TMC2: variants seen among roughly 807,000 people sequenced by gnomAD.
TMC2 encodes the protein transmembrane channel like 2.
TMC2 carries 102 observed loss-of-function variants against 105.9 expected under a neutral mutation model. The ratio of observed to expected loss-of-function variants is 0.96; its 90% CI spans 0.82 to 1.14. TMC2 has a LOEUF of 1.14. Among genes scored for constraint, TMC2 ranks in the 50% most tolerant of loss-of-function variants. The pLI is 0.00. For missense variants in TMC2, 1,093 were observed against 1,134.3 expected, an observed-to-expected ratio of 0.96 and a Z score of 0.52; for synonymous variants, 402 against 422.8, an observed-to-expected ratio of 0.95 and a Z score of 0.60.
At chr20:2,557,390 T>G (rs1017886137) in intron 2 of TMC2, among the ~76,000 whole-genome samples, 17 of 152,366 alleles carry the variant, frequency 1.1e-4, no homozygotes, top group Admixed American at 6.5e-4. Context: ...TCTTTACTTC[T>G]ATTATAGTGT....
chr20:2,615,965 A>G (rs749918988), intron 14 of TMC2, among the ~76,000 whole-genome samples, 172 bp from the exon 15 acceptor site: 1 of 152,264 alleles, frequency 6.6e-6, no homozygotes, highest in Non-Finnish European at 1.5e-5. Flanking sequence ...AGTTGAAAAC[A>G]TATTAAAGAA....
intron 4 of TMC2, among the ~76,000 whole-genome samples, chr20:2,568,887 G>A (rs1406450984): frequency 2.0e-5 from 3 of 152,130 alleles, no homozygotes; most frequent in Admixed American, 6.5e-5. Flanking sequence ...CCAGCCTCAA[G>A]GTTAGGATGC....
chr20:2,603,275 A>C (rs765645321), intron 11 of TMC2, among the ~76,000 whole-genome samples: 2 of 152,150 alleles, frequency 1.3e-5, no homozygotes, highest in African/African-American at 2.4e-5. Context: ...ATAAATTAAT[A>C]ATAAGAAAGA....
In TMC2 at chr20:2,572,183, G is replaced by A; in HGVS notation, c.559G>A (p.Ala187Thr). ...MAKKLTELRE[A>T]QEFVEKYEGA... Reference sequence around the variant, plus strand: ...TTTTTTTTTTTTTCTAAGCAGGGAGGCCCAGGAATTTGTGGAGAAGTATGA... The same window carrying A: ...TTTTTTTTTTTTTCTAAGCAGGGAGACCCAGGAATTTGTGGAGAAGTATGA... Residue 187 changes from alanine to threonine, a missense_variant, in exon 5 of 20, where the codon GCC (alanine) becomes ACC (threonine). Coordinates refer to ENST00000358864, the MANE Select transcript of TMC2 (RefSeq NM_080751.3). 1.2e-6 allele frequency: 2 copies of A among 1,611,612 alleles called. No individual in the cohort carries two copies. Among genetic ancestry groups the A allele is most frequent in the South Asian group, 1.1e-5 (1 of 91,000 alleles).
intron 7 of TMC2, among the ~76,000 whole-genome samples, chr20:2,590,698 CA>C (rs200669112): frequency 6.6e-6 from 1 of 151,254 alleles, no homozygotes. Context: ...ACACTTCGTA[CA>C]AAAAAAATAC....
At chr20:2,536,686 G>GC in intron 1 of TMC2, 31 bp downstream of exon 1, 1 of 1,562,500 alleles carries the variant, frequency 6.4e-7, no homozygotes, top group Non-Finnish European at 8.7e-7. Context: ...TGCGGGGCCC[G>GC]CCCACAGGGT....
intron 4 of TMC2, among the ~76,000 whole-genome samples, chr20:2,563,296 G>C (rs894115094): frequency 6.6e-6 from 1 of 152,084 alleles, no homozygotes; most frequent in Non-Finnish European, 1.5e-5. Flanking sequence ...CTTACCCCAC[G>C]GCCCTGCAAA....
At chr20:2,555,811 T>C (rs1413662622) in intron 2 of TMC2, among the ~76,000 whole-genome samples, 4 of 152,238 alleles carry the variant, frequency 2.6e-5, no homozygotes, top group Non-Finnish European at 5.9e-5. Flanking sequence ...TAATTTTGCT[T>C]CCTTTTTACT....
At chr20:2,588,899 G>T (rs774246152) in intron 7 of TMC2, among the ~76,000 whole-genome samples, 2 of 151,764 alleles carry the variant, frequency 1.3e-5, no homozygotes, top group South Asian at 4.2e-4. Context: ...TTTTAATTTC[G>T]ATGATCACAT....
chr20:2,640,296 TG>T (rs1177684890), intron 19 of TMC2, among the ~76,000 whole-genome samples: 5 of 152,300 alleles, frequency 3.3e-5, no homozygotes, highest in African/African-American at 1.2e-4. Context: ...GCACCTGGCC[TG>T]AACTTTTTTT....
chr20:2,571,673 T>A (rs1457359107), intron 4 of TMC2, among the ~76,000 whole-genome samples: 1 of 152,202 alleles, frequency 6.6e-6, no homozygotes, highest in African/African-American at 2.4e-5. Flanking sequence ...ACTGGGGCCA[T>A]GCAGATGACC....
chr20:2,577,242 T>C (rs747391069), intron 5 of TMC2, among the ~76,000 whole-genome samples: 14 of 151,966 alleles, frequency 9.2e-5, no homozygotes, highest in Non-Finnish European at 2.1e-4. Flanking sequence ...GGTTTCACTA[T>C]GTTAGCCAGG....
chr20:2,579,079 C>A, intron 5 of TMC2, 67 bp from the exon 6 acceptor site: 1 of 894,620 alleles, frequency 1.1e-6, no homozygotes, highest in Non-Finnish European at 1.9e-6. Context: ...TCGTGCCCCT[C>A]ATCATGCCCC....
chr20:2,588,766 A>T (rs1355440575), intron 7 of TMC2, among the ~76,000 whole-genome samples: 2 of 145,776 alleles, frequency 1.4e-5, no homozygotes, highest in African/African-American at 2.6e-5. Flanking sequence ...TGTATGCCTT[A>T]TGCTCTTTTC....
chr20:2,541,646 CAAAAAAAAAAAAAGAAAGAAAG>C (rs1373050141), intron 2 of TMC2, among the ~76,000 whole-genome samples: 1 of 76,916 alleles, frequency 1.3e-5, no homozygotes, highest in Non-Finnish European at 2.9e-5. Flanking sequence ...GTCTCAAAAC[CAAAAAAAAAAAAAGAAAGAAAG>C]AAAAAAAAGA....
chr20:2,634,236 G>A (rs1290017877), intron 17 of TMC2, among the ~76,000 whole-genome samples: 2 of 152,192 alleles, frequency 1.3e-5, no homozygotes, highest in African/African-American at 4.8e-5. Flanking sequence ...GCCTGGAGGG[G>A]AACTGGAGCT....
intron 2 of TMC2, among the ~76,000 whole-genome samples, chr20:2,547,839 T>C (rs1051402055): frequency 6.6e-6 from 1 of 152,248 alleles, no homozygotes; most frequent in Non-Finnish European, 1.5e-5. Flanking sequence ...GAACCTTTAT[T>C]ATCTTAAATA....
At chr20:2,588,821 T>C (rs1233182003) in intron 7 of TMC2, among the ~76,000 whole-genome samples, 1 of 152,106 alleles carries the variant, frequency 6.6e-6, no homozygotes, top group East Asian at 1.9e-4. Flanking sequence ...CTGGACTTTT[T>C]TAACCCTGTA....
chr20:2,594,777 C>A, intron 8 of TMC2, 48 bp from the exon 9 acceptor site: 1 of 1,584,180 alleles, frequency 6.3e-7, no homozygotes, highest in African/African-American at 1.4e-5. Flanking sequence ...TGGTAACCAC[C>A]AGCTCTGAGC....
Sources: gnomAD v4.1 joint callset for allele counts (sites outside exome capture counted in the v4.1 genomes callset) on GRCh38, gnomAD v4.1.1 for gene constraint, MANE v1.5 for transcripts, NCBI Gene and HGNC (gene_info 2026-07-23, HGNC 2026-07-21) for gene names.